The following SCHIP1 variants were observed in gnomAD, a reference collection of about 807,000 sequenced individuals.
SCHIP1 encodes the protein schwannomin interacting protein 1.
SCHIP1 carries 8 observed loss-of-function variants against 29.7 expected under a neutral mutation model. That is an observed-to-expected ratio of 0.27 (90% CI 0.16 to 0.49). The LOEUF is 0.49. Among genes scored for constraint, SCHIP1 ranks in the 20% least tolerant of loss-of-function variants. The probability of loss-of-function intolerance (pLI) is 0.99; values close to 1 mark genes in which losing one functional copy is unlikely to be tolerated. For synonymous variants in SCHIP1, 76 were observed against 94.9 expected, an observed-to-expected ratio of 0.80 and a Z score of 1.16; for missense variants, 193 against 294.6, an observed-to-expected ratio of 0.66 and a Z score of 2.52.
the SCHIP1 span, among the ~76,000 whole-genome samples, chr3:159,299,386 T>C: frequency 6.6e-5 from 10 of 152,122 alleles, no homozygotes; most frequent in Non-Finnish European, 1.3e-4. Flanking sequence ...GTTTGAGTAA[T>C]GGAATTTACG....
the SCHIP1 span, among the ~76,000 whole-genome samples, chr3:159,280,176 A>C: frequency 6.6e-6 from 1 of 152,206 alleles, no homozygotes; most frequent in African/African-American, 2.4e-5. Context: ...AATGCCCCTG[A>C]TGTCACATTA....
At chr3:159,834,597 T>C in the SCHIP1 span, among the ~76,000 whole-genome samples, 5 of 152,336 alleles carry the variant, frequency 3.3e-5, no homozygotes, top group African/African-American at 1.2e-4. Flanking sequence ...GCCAGTTTTG[T>C]TGGTGGCAAC....
chr3:159,851,417 T>A (rs1328914019), intron 1 of SCHIP1, among the ~76,000 whole-genome samples: 1 of 152,210 alleles, frequency 6.6e-6, no homozygotes, highest in Non-Finnish European at 1.5e-5. Flanking sequence ...TTCCTTAACC[T>A]CACTGAGCTC....
At chr3:159,729,430 A>G in the SCHIP1 span, among the ~76,000 whole-genome samples, 2 of 152,206 alleles carry the variant, frequency 1.3e-5, no homozygotes, top group Non-Finnish European at 2.9e-5. Context: ...ATAATTATTT[A>G]CAGATGATAT....
the SCHIP1 span, among the ~76,000 whole-genome samples, chr3:159,400,134 C>T: frequency 0.027 from 4,117 of 152,302 alleles, 74 homozygotes; most frequent in East Asian, 0.11. Context: ...CCAAAAGTCA[C>T]AGACACTTTT....
the SCHIP1 span, among the ~76,000 whole-genome samples, chr3:159,805,808 CTTT>C: frequency 1.4e-5 from 2 of 139,164 alleles, no homozygotes. Flanking sequence ...AATTGTACTC[CTTT>C]TTTTTTTTTT....
At chr3:159,505,485 T>A in the SCHIP1 span, among the ~76,000 whole-genome samples, 2 of 152,210 alleles carry the variant, frequency 1.3e-5, no homozygotes, top group Non-Finnish European at 2.9e-5. Context: ...TATATTTTTT[T>A]ATTATACTTT....
chr3:159,597,673 A>G, the SCHIP1 span, among the ~76,000 whole-genome samples: 5 of 152,186 alleles, frequency 3.3e-5, no homozygotes, highest in East Asian at 1.9e-4. Flanking sequence ...TTATCCATTC[A>G]CGCATTGATG....
At chr3:159,678,212 C>T in the SCHIP1 span, among the ~76,000 whole-genome samples, 2 of 152,198 alleles carry the variant, frequency 1.3e-5, no homozygotes, top group South Asian at 4.1e-4. Flanking sequence ...TCTGAACTCC[C>T]ATAAATTGTC....
the SCHIP1 span, among the ~76,000 whole-genome samples, chr3:159,827,389 A>G: frequency 6.6e-6 from 1 of 152,222 alleles, no homozygotes; most frequent in African/African-American, 2.4e-5. Flanking sequence ...ATAGCTCCTT[A>G]GAGATGATGT....
At chr3:159,331,045 C>T in the SCHIP1 span, among the ~76,000 whole-genome samples, 1 of 152,136 alleles carries the variant, frequency 6.6e-6, no homozygotes, top group Admixed American at 6.6e-5. Flanking sequence ...GATGGGATTT[C>T]CCCACAAGCA....
the SCHIP1 span, among the ~76,000 whole-genome samples, chr3:159,378,186 G>A: frequency 3.3e-5 from 5 of 152,202 alleles, no homozygotes; most frequent in Admixed American, 6.5e-5. Context: ...TTTGTAGCAC[G>A]TGGTGGAGCA....
At chr3:159,405,607 G>A in the SCHIP1 span, among the ~76,000 whole-genome samples, 2 of 152,050 alleles carry the variant, frequency 1.3e-5, no homozygotes. Flanking sequence ...GGCCAGGCAT[G>A]GTGGCACACA....
chr3:159,482,037 A>G, the SCHIP1 span, among the ~76,000 whole-genome samples: 1 of 152,156 alleles, frequency 6.6e-6, no homozygotes, highest in Non-Finnish European at 1.5e-5. Flanking sequence ...GCATGGGTGC[A>G]TGCATGGATG....
exon 5 of SCHIP1, chr3:159,888,821 T>A: frequency 6.2e-7 from 1 of 1,613,834 alleles, no homozygotes. Context: ...TATCTTCAGC[T>A]GCCACACATG....
chr3:159,839,640 T>C (rs1014546142), upstream of SCHIP1, among the ~76,000 whole-genome samples: 1 of 135,338 alleles, frequency 7.4e-6, no homozygotes, highest in African/African-American at 2.9e-5. Context: ...TTTTTTTTTT[T>C]TTTTTTTTTT....
the SCHIP1 span, among the ~76,000 whole-genome samples, chr3:159,792,054 G>T: frequency 6.6e-6 from 1 of 151,958 alleles, no homozygotes; most frequent in South Asian, 2.1e-4. Context: ...TCTATCTTGG[G>T]CCTAGAAAAA....
the SCHIP1 span, among the ~76,000 whole-genome samples, chr3:159,811,632 C>T: frequency 5.9e-5 from 9 of 152,196 alleles, no homozygotes; most frequent in African/African-American, 2.2e-4. Context: ...CAATTCTGTT[C>T]CATTGATCTA....
chr3:159,422,276 A>C, the SCHIP1 span, among the ~76,000 whole-genome samples: 1 of 152,172 alleles, frequency 6.6e-6, no homozygotes, highest in Non-Finnish European at 1.5e-5. Flanking sequence ...CCACTAACTT[A>C]GGTTTTTTGA....
Sources: allele counts gnomAD v4.1 joint callset (sites outside exome capture counted in the v4.1 genomes callset), GRCh38; gene constraint gnomAD v4.1.1; transcripts MANE v1.5; gene names NCBI Gene and HGNC (gene_info 2026-07-23, HGNC 2026-07-21).